STIM2: variants seen among roughly 807,000 people sequenced by gnomAD.
STIM2 encodes stromal interaction molecule 2.
A neutral mutation model predicts 85.8 loss-of-function variants in STIM2; 31 were observed. The ratio of observed to expected loss-of-function variants is 0.36; its 90% confidence interval spans 0.27 to 0.49. STIM2 has a LOEUF of 0.49. Ranked by LOEUF, STIM2 falls within the 20% of genes least tolerant of loss-of-function variation. The pLI is 0.98. For synonymous variants in STIM2, 356 were observed against 331.1 expected (o/e 1.08, Z -0.82); for missense variants, 841 against 927.6 (o/e 0.91, Z 1.21).
At chr4:26,938,100 A>G (rs1160304386) in intron 2 of STIM2, among the ~76,000 whole-genome samples, 1 of 151,860 alleles carries the variant, frequency 6.6e-6, no homozygotes, top group East Asian at 1.9e-4. Flanking sequence ...GCTTTTTCTT[A>G]TATTAAAATA....
intron 8 of STIM2, 96 bp downstream of exon 8, chr4:27,007,796 T>A: frequency 7.7e-7 from 1 of 1,304,048 alleles, no homozygotes; most frequent in Non-Finnish European, 1.0e-6. Flanking sequence ...GAATAAAAGT[T>A]TTATTATTAC....
At chr4:26,918,864 A>C (rs1181312664) in intron 1 of STIM2, among the ~76,000 whole-genome samples, 5 of 152,216 alleles carry the variant, frequency 3.3e-5, no homozygotes, top group African/African-American at 1.2e-4. Context: ...ATTAAAGATA[A>C]CATGAAGAAC....
chr4:26,920,209 G>C (rs1043188572), intron 2 of STIM2, among the ~76,000 whole-genome samples: 1 of 152,120 alleles, frequency 6.6e-6, no homozygotes, highest in African/African-American at 2.4e-5. Context: ...AAGTTCCCAT[G>C]TGCAAGTGTT....
intron 3 of STIM2, among the ~76,000 whole-genome samples, chr4:26,965,032 A>C (rs1035842993): frequency 2.6e-5 from 4 of 152,190 alleles, no homozygotes; most frequent in African/African-American, 9.7e-5. Flanking sequence ...ATATGCTACA[A>C]ATACCTGTGC....
At chr4:26,871,862 G>A (rs1018992988) in intron 1 of STIM2, among the ~76,000 whole-genome samples, 2 of 152,050 alleles carry the variant, frequency 1.3e-5, no homozygotes, top group African/African-American at 4.8e-5. Context: ...CTTTTGTATA[G>A]TGTGATGAAG....
intron 2 of STIM2, among the ~76,000 whole-genome samples, chr4:26,940,843 G>C (rs1021841597): frequency 6.6e-6 from 1 of 152,148 alleles, no homozygotes; most frequent in African/African-American, 2.4e-5. Flanking sequence ...TTGCCAGGAA[G>C]ACTTGTTAAA....
chr4:26,947,627 C>T (rs1007941220), intron 2 of STIM2, among the ~76,000 whole-genome samples: 3 of 152,108 alleles, frequency 2.0e-5, no homozygotes, highest in Admixed American at 1.3e-4. Flanking sequence ...TTCTTTGCCA[C>T]GAGGGCCAAC....
At chr4:26,974,585 T>C (rs1727108411) in intron 3 of STIM2, among the ~76,000 whole-genome samples, 1 of 152,252 alleles carries the variant, frequency 6.6e-6, no homozygotes, top group African/African-American at 2.4e-5. Context: ...TTGTGGCTTG[T>C]AGGGTTTCTG....
chr4:27,003,184 T>C (rs1728218322), intron 7 of STIM2, 80 bp downstream of exon 7: 6 of 1,345,446 alleles, frequency 4.5e-6, no homozygotes, highest in Admixed American at 3.0e-5. Context: ...TTTTCTTCAG[T>C]TTCCTACATT....
At chr4:26,892,742 C>T (rs1723543647) in intron 1 of STIM2, among the ~76,000 whole-genome samples, 1 of 152,086 alleles carries the variant, frequency 6.6e-6, no homozygotes. Flanking sequence ...TAAATTATGA[C>T]GTAGGGCTGG....
chr4:26,917,997 T>G (rs570602124), intron 1 of STIM2, among the ~76,000 whole-genome samples: 2 of 152,268 alleles, frequency 1.3e-5, no homozygotes, highest in African/African-American at 4.8e-5. Context: ...GTTCTTGGAT[T>G]TTAGCAAATC....
At chr4:26,867,716 G>A (rs7655631) in intron 1 of STIM2, among the ~76,000 whole-genome samples, 2 of 151,998 alleles carry the variant, frequency 1.3e-5, no homozygotes, top group Non-Finnish European at 1.5e-5. Context: ...TAAAAGGTTT[G>A]TTCTGTTCTT....
intron 4 of STIM2, among the ~76,000 whole-genome samples, chr4:26,998,911 CA>C (rs11374270): frequency 1.4e-5 from 2 of 147,248 alleles, no homozygotes; most frequent in African/African-American, 5.0e-5. Context: ...GACTCTGTCT[CA>C]AAAAAAAAAA....
intron 2 of STIM2, among the ~76,000 whole-genome samples, chr4:26,947,815 A>T (rs571221390): frequency 2.0e-5 from 3 of 152,168 alleles, no homozygotes; most frequent in Non-Finnish European, 4.4e-5. Context: ...CATGAAAAAA[A>T]AATAATAAAA....
At chr4:27,002,031 T>C (rs986398527) in intron 5 of STIM2, among the ~76,000 whole-genome samples, 186 bp from the exon 6 acceptor site, 12 of 152,196 alleles carry the variant, frequency 7.9e-5, no homozygotes, top group African/African-American at 2.7e-4. Context: ...AAGTCTAGTA[T>C]ATCAAAGAGT....
intron 3 of STIM2, among the ~76,000 whole-genome samples, chr4:26,991,624 C>T (rs1018120069): frequency 6.6e-6 from 1 of 152,054 alleles, no homozygotes; most frequent in African/African-American, 2.4e-5. Flanking sequence ...ATGGATATCT[C>T]AGTTACCCTG....
At chr4:26,864,972 A>G (rs1577402434) in intron 1 of STIM2, among the ~76,000 whole-genome samples, 1 of 152,176 alleles carries the variant, frequency 6.6e-6, no homozygotes, top group East Asian at 1.9e-4. Context: ...TGGGATATAT[A>G]TGTTGCTTTC....
At chr4:26,934,913 CAAA>C (rs1160656482) in intron 2 of STIM2, among the ~76,000 whole-genome samples, 3 of 57,606 alleles carry the variant, frequency 5.2e-5, no homozygotes, top group Admixed American at 2.0e-4. Flanking sequence ...AACTCCATCT[CAAA>C]AAAAAAAAAA....
rs570898977 is a variant in STIM2 at position 27,022,843 on chromosome 4, A to G, written c.2088A>G (p.Thr696=). 5.0e-6 allele frequency: 8 copies of G among 1,614,268 alleles called. No homozygotes were observed. The Admixed American group carries it at 5.0e-5, about 10-fold the overall frequency. Residue 696 remains threonine (T), a synonymous_variant, in exon 12 of 12, where the codon ACA becomes ACG. Coordinates refer to ENST00000467087, the MANE Select transcript of STIM2 (RefSeq NM_020860.4). ...TCCCGGTGCCTAAACCTCGCCACAC[A>G]TCATGTTCCTCAGCTGGCAACGACA...
Sources: allele counts gnomAD v4.1 joint callset (sites outside exome capture counted in the v4.1 genomes callset), GRCh38; gene constraint gnomAD v4.1.1; transcripts MANE v1.5; gene names NCBI Gene and HGNC (gene_info 2026-07-23, HGNC 2026-07-21).